Variants in ZBTB20 observed in about 807,000 individuals in gnomAD.
The protein encoded by ZBTB20 is zinc finger and BTB domain-containing protein 20.
ZBTB20 carries 9 observed loss-of-function variants against 56.9 expected under a neutral mutation model. The ratio of observed to expected loss-of-function variants is 0.16; its 90% CI spans 0.10 to 0.28. The LOEUF (loss-of-function observed/expected upper bound fraction) is 0.28, where lower values mean the gene tolerates loss of function less well. Ranked by LOEUF, ZBTB20 falls within the 10% of genes least tolerant of loss-of-function variation. The pLI is 1.00. For missense variants in ZBTB20, 655 were observed against 1,003.0 expected, an observed-to-expected ratio of 0.65 and a Z score of 4.69; for synonymous variants, 417 against 420.7, an observed-to-expected ratio of 0.99 and a Z score of 0.11.
At position 114,525,527 on chromosome 3, in the gene ZBTB20, C is replaced by A. The variant is rs537554605; in HGVS notation, c.-294-25136G>T. 3.4e-3 allele frequency among the ~76,000 whole-genome samples: 520 copies of A among 152,276 alleles called. 3 individuals are homozygous for A. Among genetic ancestry groups the A allele is most frequent in the African/African-American group, 0.012 (484 of 41,554 alleles). ...GAGTCCCAGCTTAGGTCTTACTTCT[C>A]GGATGGTTTTTCTATGATTACCATG... On this transcript the variant is annotated intron_variant, in intron 6 of 11. Coordinates refer to ENST00000675478, the MANE Select transcript of ZBTB20 (RefSeq NM_001348800.3).
At chr3:114,607,139 C>G (rs1292992222) in intron 6 of ZBTB20, among the ~76,000 whole-genome samples, 1 of 151,952 alleles carries the variant, frequency 6.6e-6, no homozygotes, top group African/African-American at 2.4e-5. Flanking sequence ...TTCTTTTGCC[C>G]CAACATTTAG....
intron 6 of ZBTB20, chr3:114,502,784 C>A (rs1311596099): frequency 6.6e-6 from 1 of 150,416 alleles, no homozygotes; most frequent in Admixed American, 6.6e-5. Context: ...CTCCCTCCCT[C>A]CCTCCTTTCT....
intron 2 of ZBTB20, among the ~76,000 whole-genome samples, chr3:115,028,556 A>C (rs1354840280): frequency 1.3e-5 from 2 of 150,578 alleles, no homozygotes; most frequent in African/African-American, 4.8e-5. Flanking sequence ...TATGGCTCAC[A>C]TTGTATTCCT....
At chr3:114,741,646 A>C (rs1164343732) in intron 5 of ZBTB20, among the ~76,000 whole-genome samples, 1 of 151,860 alleles carries the variant, frequency 6.6e-6, no homozygotes, top group Non-Finnish European at 1.5e-5. Flanking sequence ...AGGCTGAGGC[A>C]GGTGGATCAT....
At chr3:114,900,790 T>C (rs2075088161) in intron 3 of ZBTB20, among the ~76,000 whole-genome samples, 1 of 152,148 alleles carries the variant, frequency 6.6e-6, no homozygotes. Context: ...AAGGTGCTTT[T>C]GTAGAGCAGT....
At chr3:114,501,336 C>T (rs2043930474) in intron 6 of ZBTB20, among the ~76,000 whole-genome samples, 1 of 152,166 alleles carries the variant, frequency 6.6e-6, no homozygotes, top group Non-Finnish European at 1.5e-5. Context: ...CTTTAAATTA[C>T]AAGCCAGGCT....
chr3:114,571,309 AAG>A (rs543840843), intron 6 of ZBTB20, among the ~76,000 whole-genome samples: 132 of 152,346 alleles, frequency 8.7e-4, no homozygotes, highest in Non-Finnish European at 1.7e-3. Flanking sequence ...TATAAAAAAC[AAG>A]AGATATAGCC....
chr3:114,862,248 T>C (rs2075568664), intron 4 of ZBTB20, among the ~76,000 whole-genome samples: 1 of 152,244 alleles, frequency 6.6e-6, no homozygotes, highest in African/African-American at 2.4e-5. Flanking sequence ...AATATTATCA[T>C]ATCTTCATTA....
intron 4 of ZBTB20, among the ~76,000 whole-genome samples, chr3:114,869,951 G>A (rs550440578): frequency 1.1e-4 from 17 of 152,152 alleles, no homozygotes; most frequent in Non-Finnish European, 2.5e-4. Flanking sequence ...TAAAAAGTGT[G>A]TAATTACTGT....
intron 10 of ZBTB20, among the ~76,000 whole-genome samples, chr3:114,364,745 A>G (rs2082228250): frequency 6.6e-6 from 1 of 152,184 alleles, no homozygotes; most frequent in Non-Finnish European, 1.5e-5. Context: ...CATTTCTTCT[A>G]AAGATCCTTA....
chr3:114,460,952 T>G (rs1365058311), intron 7 of ZBTB20, among the ~76,000 whole-genome samples: 1 of 152,194 alleles, frequency 6.6e-6, no homozygotes, highest in Non-Finnish European at 1.5e-5. Context: ...ACTAAGAGCT[T>G]CCTTCTAAGT....
At chr3:114,437,982 A>C (rs1576759255) in intron 7 of ZBTB20, among the ~76,000 whole-genome samples, 1 of 152,284 alleles carries the variant, frequency 6.6e-6, no homozygotes, top group Non-Finnish European at 1.5e-5. Flanking sequence ...ATGTGGTGGC[A>C]GGCATTAGTG....
intron 6 of ZBTB20, among the ~76,000 whole-genome samples, chr3:114,642,019 T>A (rs2059588911): frequency 6.6e-6 from 1 of 152,018 alleles, no homozygotes; most frequent in Non-Finnish European, 1.5e-5. Flanking sequence ...ATTCTGAGAA[T>A]TAAGTCTGTA....
At chr3:114,547,614 G>A (rs1348476142) in intron 6 of ZBTB20, among the ~76,000 whole-genome samples, 1 of 152,172 alleles carries the variant, frequency 6.6e-6, no homozygotes, top group Non-Finnish European at 1.5e-5. Flanking sequence ...TGATTAAGGG[G>A]TGTATGCATG....
chr3:115,135,014 G>A (rs1034568524), intron 1 of ZBTB20, among the ~76,000 whole-genome samples: 6 of 152,144 alleles, frequency 3.9e-5, no homozygotes, highest in African/African-American at 1.4e-4. Context: ...GCGACACTTC[G>A]GTACTTAAAA....
rs59044965 is a variant in ZBTB20, at chr3:114,347,077, GTTTTTTTTTTTTTTTTTTT to G, written c.1804+3178_1804+3196del. On this transcript the variant is annotated intron_variant, in intron 11 of 11. Coordinates refer to ENST00000675478, the MANE Select transcript of ZBTB20 (RefSeq NM_001348800.3). ...GAATCTTATAATTTATTCTCTTCAG[GTTTTTTTTTTTTTTTTTTT>G]TTTTTTTTTTTTTTAAGAGATAGGT... 7.9e-4 allele frequency among the ~76,000 whole-genome samples: 56 copies of G among 71,076 alleles called. 1 individual carries two copies. In the East Asian group the frequency reaches 0.04, roughly 50 times the overall value. The allele number at this position is 71,076 out of a possible 152,430, so 46.6% of individuals were successfully genotyped here.
intron 6 of ZBTB20, among the ~76,000 whole-genome samples, chr3:114,544,475 T>TTCTTTCTTTCTTTCTG (rs1553747295): frequency 7.5e-6 from 1 of 132,896 alleles, no homozygotes; most frequent in East Asian, 2.1e-4. Flanking sequence ...CTTTCTTTCT[T>TTCTTTCTTTCTTTCTG]TCTTTTTCTT....
At chr3:115,013,904 C>CCA (rs1432420977) in intron 2 of ZBTB20, among the ~76,000 whole-genome samples, 10 of 106,332 alleles carry the variant, frequency 9.4e-5, no homozygotes, top group Non-Finnish European at 1.6e-4. Flanking sequence ...CCAGCAATCC[C>CCA]TATATGTGTG....
At chr3:114,836,427 G>A (rs2074123754) in intron 4 of ZBTB20, among the ~76,000 whole-genome samples, 2 of 152,142 alleles carry the variant, frequency 1.3e-5, no homozygotes, top group Admixed American at 1.3e-4. Flanking sequence ...GCAAGAACTG[G>A]CTTAAAACAT....
Sources: allele counts gnomAD v4.1 joint callset (sites outside exome capture counted in the v4.1 genomes callset), GRCh38; gene constraint gnomAD v4.1.1; transcripts MANE v1.5; gene names NCBI Gene and HGNC (gene_info 2026-07-23, HGNC 2026-07-21).